Variants in TDRD7 observed in about 807,000 individuals in gnomAD.
TDRD7 encodes the protein tudor domain-containing protein 7.
A neutral mutation model predicts 109.8 loss-of-function variants in TDRD7; 47 were observed. The observed-to-expected ratio is 0.43, with a 90% CI of 0.34 to 0.55. The LOEUF is 0.55. Among genes scored for constraint, TDRD7 ranks in the 20% least tolerant of loss-of-function variants. The pLI is 0.03. For missense variants in TDRD7, 1,164 were observed against 1,319.2 expected (o/e 0.88, Z 1.82); for synonymous variants, 424 against 457.3 (o/e 0.93, Z 0.93).
chr9:97,432,293 A>G, intron 4 of TDRD7, 55 bp downstream of exon 4: 1 of 1,459,134 alleles, frequency 6.9e-7, no homozygotes, highest in Non-Finnish European at 9.6e-7. Flanking sequence ...AAAGTGTTAC[A>G]AATGTATGTT....
intron 13 of TDRD7, among the ~76,000 whole-genome samples, chr9:97,478,801 C>T (rs940844104): frequency 1.3e-5 from 2 of 152,146 alleles, no homozygotes; most frequent in Non-Finnish European, 1.5e-5. Context: ...TCAAGAGCAT[C>T]CAGTCATTAA....
chr9:97,466,173 G>C (rs1425416055), intron 8 of TDRD7, among the ~76,000 whole-genome samples: 1 of 152,136 alleles, frequency 6.6e-6, no homozygotes. Flanking sequence ...CTGAACACAG[G>C]CTTAAGTCCA....
intron 6 of TDRD7, among the ~76,000 whole-genome samples, chr9:97,454,918 G>A (rs975738519): frequency 3.9e-5 from 6 of 151,958 alleles, no homozygotes; most frequent in East Asian, 1.9e-4. Flanking sequence ...GAAGATTAAC[G>A]AAATAGACCT....
intron 6 of TDRD7, among the ~76,000 whole-genome samples, chr9:97,449,661 C>A (rs1828458385): frequency 6.6e-6 from 1 of 152,174 alleles, no homozygotes; most frequent in South Asian, 2.1e-4. Flanking sequence ...ATTACGCAGG[C>A]ATGTTGATTA....
At chr9:97,484,819 A>G (rs1215871303) in intron 15 of TDRD7, among the ~76,000 whole-genome samples, 6 of 152,122 alleles carry the variant, frequency 3.9e-5, no homozygotes, top group African/African-American at 1.4e-4. Flanking sequence ...AAACCAAACT[A>G]ATGTTCTGGG....
At chr9:97,444,589 T>G (rs1163461831) in intron 6 of TDRD7, among the ~76,000 whole-genome samples, 2 of 152,224 alleles carry the variant, frequency 1.3e-5, no homozygotes, top group Admixed American at 6.5e-5. Context: ...CTCAAGGCAG[T>G]GCAAAAAGTT....
intron 1 of TDRD7, among the ~76,000 whole-genome samples, chr9:97,413,178 G>A (rs989258776): frequency 5.9e-5 from 9 of 152,138 alleles, no homozygotes; most frequent in African/African-American, 2.2e-4. Context: ...GCAGAGAAAT[G>A]TTCTCTCTAG....
rs148717371 is a variant in TDRD7, at chr9:97,450,065, G to A, written c.855+8190G>A. Among the ~76,000 whole-genome samples the A allele has an allele frequency of 6.6e-5, 10 of 151,658 alleles. No homozygotes were observed. The East Asian group carries it at 7.8e-4, about 12-fold the overall frequency. ...CTTACGGGAATAGAAAGTTTAAGGC[G>A]TATTAGGTACAGCATCTTCTGATGA... On this transcript the variant is annotated intron_variant, in intron 6 of 16. Transcript: ENST00000355295.
At chr9:97,458,004 G>C (rs928018164) in intron 6 of TDRD7, among the ~76,000 whole-genome samples, 8 of 152,160 alleles carry the variant, frequency 5.3e-5, no homozygotes, top group Non-Finnish European at 1.2e-4. Context: ...GGGCCTATTA[G>C]GGTGGTTGAG....
intron 13 of TDRD7, among the ~76,000 whole-genome samples, chr9:97,478,850 G>A (rs546950839): frequency 6.6e-6 from 1 of 152,288 alleles, no homozygotes; most frequent in Admixed American, 6.5e-5. Flanking sequence ...TTGATAATTA[G>A]ATGCCAGTAC....
At chr9:97,467,287 A>C (rs1434925813) in intron 8 of TDRD7, among the ~76,000 whole-genome samples, 1 of 152,252 alleles carries the variant, frequency 6.6e-6, no homozygotes, top group African/African-American at 2.4e-5. Flanking sequence ...ACAATAAATA[A>C]TGCAGCTATT....
At position 97,482,958 on chromosome 9, in the gene TDRD7, T is replaced by C. The variant is rs1047217460; in HGVS notation, c.2522T>C (p.Leu841Ser). The change falls in exon 15 of 17, where the codon TTG becomes TCG. Residue 841 changes from leucine (L) to serine (S), a missense_variant. Physicochemically the swap from Leu to Ser is moderately radical, Grantham distance 145 (BLOSUM62 -2). This residue lies in a region of TDRD7 where 233 missense variants were observed against 218.0 expected (regional missense o/e 1.07). Transcript: ENST00000355295. ...SINRQITNAD[L>S]WKHQKDVFLS... The stretch of plus-strand genomic sequence containing the variant: ...AATCGCCAGATTACAAATGCAGACT[T>C]GTGGAAGCATCAGAAGGATGTGTTT... The C allele has an allele frequency of 6.2e-7, 1 of 1,614,154 alleles. No individual in the cohort carries two copies. The highest frequency in any genetic ancestry group is 8.5e-7 in the Non-Finnish European group (1 of 1,180,014).
intron 16 of TDRD7, among the ~76,000 whole-genome samples, chr9:97,490,909 CTTTTTTTTT>C (rs1174656625): frequency 1.3e-5 from 1 of 77,648 alleles, no homozygotes; most frequent in Non-Finnish European, 2.3e-5. Context: ...CTTTTCTTTT[CTTTTTTTTT>C]TTTTTTTTTT....
At chr9:97,478,309 G>T in intron 12 of TDRD7, 130 bp from the exon 13 acceptor site, 1 of 827,008 alleles carries the variant, frequency 1.2e-6, no homozygotes, top group South Asian at 1.9e-5. Flanking sequence ...TTTTAAATTA[G>T]GGGAAAATTT....
intron 12 of TDRD7, 85 bp from the exon 13 acceptor site, chr9:97,478,354 C>T (rs1038701931): frequency 6.6e-7 from 1 of 1,519,456 alleles, no homozygotes; most frequent in South Asian, 1.1e-5. Flanking sequence ...AATATGCATT[C>T]AGGATTGTAC....
In TDRD7 at chr9:97,432,212, G is replaced by T. The variant is rs139675554; in HGVS notation, c.537G>T (p.Arg179Ser). 3.3e-5 allele frequency: 53 copies of T among 1,613,616 alleles called. No homozygotes were observed. The African/African-American group carries it at 5.5e-4, about 17-fold the overall frequency. Residue 179 changes from arginine (R) to serine (S), a missense_variant, in exon 4 of 17, where the codon AGG (arginine) becomes AGT (serine). Physicochemically the swap from Arg to Ser is moderately radical, Grantham distance 110. Around this residue, in one of 5 missense-constraint regions of TDRD7, gnomAD observed 407 missense variants for 394.0 expected, o/e 1.03. Coordinates refer to ENST00000355295, the MANE Select transcript of TDRD7 (RefSeq NM_014290.3). ...CATTCAAAGACATTCCAGTGCAAAG[G>T]CATGTGACCATGTCCACCAACAACA... ...NEAFKDIPVQ[R>S]HVTMSTNNRF...
chr9:97,482,414 C>G (rs1469251684), intron 14 of TDRD7, among the ~76,000 whole-genome samples: 4 of 152,142 alleles, frequency 2.6e-5, no homozygotes, highest in Non-Finnish European at 5.9e-5. Context: ...TTAAGCAGAA[C>G]GCTCATAAAT....
rs1829357137 is a variant in TDRD7, at chr9:97,494,252, G to T, written c.3077-1411G>T. Among the ~76,000 whole-genome samples the T allele has an allele frequency of 1.3e-5, 2 of 152,356 alleles. 1 individual carries two copies. Among genetic ancestry groups the T allele is most frequent in the Middle Eastern group, 6.8e-3 (2 of 294 alleles). On this transcript the variant is annotated intron_variant, in intron 16 of 16. Transcript: ENST00000355295. ...AAATTTTCACAATTTATGTTCTTCT[G>T]CCATGGCTTCAGCCGGTCCCTCCAT...
chr9:97,476,528 C>T (rs1389521987), intron 12 of TDRD7, among the ~76,000 whole-genome samples: 2 of 123,664 alleles, frequency 1.6e-5, no homozygotes, highest in Non-Finnish European at 1.6e-5. Flanking sequence ...CCAGCCTGGT[C>T]ACAATAGTGA....
Sources: gnomAD v4.1 joint callset for allele counts (sites outside exome capture counted in the v4.1 genomes callset) on GRCh38, gnomAD v4.1.1 for gene constraint, gnomAD v4.1.1 regional missense constraint, MANE v1.5 for transcripts, NCBI Gene and HGNC (gene_info 2026-07-23, HGNC 2026-07-21) for gene names.